AFG2A: variants seen among roughly 807,000 people sequenced by gnomAD.
AFG2A encodes the protein ATPase family gene 2 protein homolog A.
the AFG2A span, among the ~76,000 whole-genome samples, chr4:123,066,627 T>C: frequency 2.6e-5 from 4 of 152,140 alleles, no homozygotes; most frequent in South Asian, 2.1e-4. Context: ...TTATGAAGAA[T>C]TTTTTTATGT....
the AFG2A span, among the ~76,000 whole-genome samples, chr4:123,006,685 C>G: frequency 6.6e-6 from 1 of 152,028 alleles, no homozygotes; most frequent in Admixed American, 6.6e-5. Flanking sequence ...GTTTTCTTCT[C>G]TAGAAGTTTG....
At chr4:123,019,467 T>G in the AFG2A span, among the ~76,000 whole-genome samples, 1 of 152,194 alleles carries the variant, frequency 6.6e-6, no homozygotes, top group Non-Finnish European at 1.5e-5. Flanking sequence ...AGGATTACTT[T>G]TAGGTATTGG....
chr4:123,036,973 T>C, the AFG2A span, among the ~76,000 whole-genome samples: 1 of 152,152 alleles, frequency 6.6e-6, no homozygotes, highest in Admixed American at 6.5e-5. Flanking sequence ...ACATTACATA[T>C]ATGTAATTCT....
the AFG2A span, among the ~76,000 whole-genome samples, chr4:123,182,575 T>C: frequency 1.3e-5 from 2 of 152,220 alleles, no homozygotes; most frequent in African/African-American, 4.8e-5. Flanking sequence ...AAATACTGCA[T>C]TTTTTGTGCT....
the AFG2A span, among the ~76,000 whole-genome samples, chr4:123,216,339 C>T: frequency 3.9e-5 from 6 of 152,048 alleles, no homozygotes; most frequent in African/African-American, 1.2e-4. Flanking sequence ...ACTTCAAGTA[C>T]TCACCTTTTG....
the AFG2A span, among the ~76,000 whole-genome samples, chr4:123,123,322 G>T: frequency 1.3e-5 from 2 of 152,026 alleles, no homozygotes; most frequent in African/African-American, 4.8e-5. Flanking sequence ...TCAAGTTCCT[G>T]CCTATTTAAC....
At chr4:123,108,145 G>A in the AFG2A span, among the ~76,000 whole-genome samples, 1 of 152,274 alleles carries the variant, frequency 6.6e-6, no homozygotes, top group African/African-American at 2.4e-5. Context: ...CCTCACAGCC[G>A]CGCTCCAGAC....
the AFG2A span, chr4:123,056,443 A>T: frequency 6.2e-7 from 1 of 1,612,116 alleles, no homozygotes; most frequent in Non-Finnish European, 8.5e-7. Context: ...TTAGAGAGGT[A>T]AGAAATTGTG....
the AFG2A span, among the ~76,000 whole-genome samples, chr4:123,089,245 G>A: frequency 6.6e-6 from 1 of 152,142 alleles, no homozygotes; most frequent in Non-Finnish European, 1.5e-5. Flanking sequence ...TCTAAATACT[G>A]TCATTTAGAG....
At chr4:123,226,877 T>C in the AFG2A span, among the ~76,000 whole-genome samples, 2 of 152,184 alleles carry the variant, frequency 1.3e-5, no homozygotes, top group South Asian at 2.1e-4. Context: ...AATTATTGCC[T>C]CAATTTCAGA....
the AFG2A span, among the ~76,000 whole-genome samples, chr4:123,070,282 T>A: frequency 1.3e-5 from 2 of 152,238 alleles, no homozygotes; most frequent in South Asian, 2.1e-4. Context: ...ATAATTATAA[T>A]TATTATAATG....
chr4:123,003,196 A>T, the AFG2A span, among the ~76,000 whole-genome samples: 2 of 152,138 alleles, frequency 1.3e-5, no homozygotes, highest in African/African-American at 4.8e-5. Context: ...TATTCTAGTT[A>T]TACATTCGTC....
chr4:122,957,706 C>G, the AFG2A span, among the ~76,000 whole-genome samples: 6 of 152,156 alleles, frequency 3.9e-5, no homozygotes, highest in Admixed American at 3.9e-4. Flanking sequence ...ACTGCCTACA[C>G]AAGTTTGAAC....
chr4:122,951,835 A>G, the AFG2A span, among the ~76,000 whole-genome samples: 4 of 152,184 alleles, frequency 2.6e-5, no homozygotes, highest in Admixed American at 2.6e-4. Flanking sequence ...GCGGTCAGAC[A>G]TTGGGCCCTG....
At chr4:123,053,904 C>T in the AFG2A span, among the ~76,000 whole-genome samples, 25 of 152,046 alleles carry the variant, frequency 1.6e-4, no homozygotes, top group Non-Finnish European at 3.2e-4. Flanking sequence ...GTGAGCATGT[C>T]GGGGAGGATC....
chr4:123,015,245 A>G, the AFG2A span, among the ~76,000 whole-genome samples: 11 of 144,910 alleles, frequency 7.6e-5, no homozygotes, highest in African/African-American at 2.3e-4. Flanking sequence ...GGGATTTGGC[A>G]GGGTCATAGG....
At chr4:123,227,970 CTTCT>C in the AFG2A span, among the ~76,000 whole-genome samples, 1 of 152,064 alleles carries the variant, frequency 6.6e-6, no homozygotes, top group Non-Finnish European at 1.5e-5. Flanking sequence ...ATGTAATGGC[CTTCT>C]TTGTCTCTTT....
chr4:123,310,332 T>A, the AFG2A span, among the ~76,000 whole-genome samples: 1 of 152,210 alleles, frequency 6.6e-6, no homozygotes, highest in Non-Finnish European at 1.5e-5. Flanking sequence ...TTAGTTATAT[T>A]TGATGGTAGA....
the AFG2A span, among the ~76,000 whole-genome samples, chr4:122,928,404 C>T: frequency 6.6e-6 from 1 of 152,124 alleles, no homozygotes; most frequent in Non-Finnish European, 1.5e-5. Context: ...TCCTTTGATG[C>T]TTCTCTGATT....
Sources: gnomAD v4.1 joint callset for allele counts (sites outside exome capture counted in the v4.1 genomes callset) on GRCh38, gnomAD v4.1.1 for gene constraint, MANE v1.5 for transcripts, NCBI Gene and HGNC (gene_info 2026-07-23, HGNC 2026-07-21) for gene names.